The following SPATA16 variants were observed in gnomAD, a reference collection of about 807,000 sequenced individuals.
SPATA16 encodes spermatogenesis-associated protein 16.
A neutral mutation model predicts 63.3 loss-of-function variants in SPATA16; 36 were observed. The ratio of observed to expected loss-of-function variants is 0.57; its 90% CI spans 0.44 to 0.75. SPATA16 has a LOEUF of 0.75. Ranked by LOEUF, SPATA16 falls within the 30% of genes least tolerant of loss-of-function variation. The pLI is 0.00. For missense variants in SPATA16, 646 were observed against 679.3 expected (o/e 0.95, Z 0.54); for synonymous variants, 203 against 216.7 (o/e 0.94, Z 0.56).
intron 8 of SPATA16, among the ~76,000 whole-genome samples, chr3:172,919,710 C>T (rs1577089291): frequency 6.7e-6 from 1 of 149,832 alleles, no homozygotes; most frequent in Admixed American, 6.7e-5. Flanking sequence ...CAGAGTCTTG[C>T]TCTGTTGCAC....
intron 2 of SPATA16, among the ~76,000 whole-genome samples, chr3:173,071,762 A>G (rs28890011): frequency 0.19 from 28,383 of 152,190 alleles, 3,019 homozygotes; most frequent in African/African-American, 0.29. Flanking sequence ...ACAGTGAGAT[A>G]TCATTACATC....
rs149090461 is a variant in SPATA16 at position 173,117,452 on chromosome 3, T to C, written c.280A>G (p.Arg94Gly). ...TCTGTTATCTTTGCCTGTTTCTTTC[T>C]AGTTGGCTTTTCTTCACCTTCTGCC... is the stretch of plus-strand genomic sequence containing the variant. Reference protein sequence around the residue: ...RKAEGEEKPTRKKQAKITELD... With the variant: ...RKAEGEEKPTGKKQAKITELD... Residue 94 changes from arginine to glycine, a missense_variant, in exon 2 of 11, where the codon AGA (arginine) becomes GGA (glycine). Transcript: ENST00000351008. 192 of 1,614,180 alleles carry C rather than the reference T, an allele frequency of 1.2e-4. No individual in the cohort carries two copies. Among genetic ancestry groups the C allele is most frequent in the Non-Finnish European group, 1.5e-4 (179 of 1,180,014 alleles).
At chr3:173,044,578 C>G (rs1735915824) in intron 3 of SPATA16, among the ~76,000 whole-genome samples, 1 of 152,062 alleles carries the variant, frequency 6.6e-6, no homozygotes, top group Admixed American at 6.6e-5. Flanking sequence ...ACATCTGGGT[C>G]TCGAAGATCT....
intron 2 of SPATA16, among the ~76,000 whole-genome samples, chr3:173,076,681 A>G (rs1316652133): frequency 6.6e-6 from 1 of 152,160 alleles, no homozygotes; most frequent in Non-Finnish European, 1.5e-5. Flanking sequence ...GAAATATATT[A>G]GTCAATATTG....
Position 173,109,316 on chromosome 3 carries a change from G to C in SPATA16, c.612+7804C>G, listed in dbSNP as rs551270408. Among the ~76,000 whole-genome samples, 16 of 152,250 alleles carry C rather than the reference G, an allele frequency of 1.1e-4. No individual in the cohort carries two copies. In the East Asian group the frequency reaches 3.1e-3, roughly 29 times the overall value. On this transcript the variant is annotated intron_variant, in intron 2 of 10. Transcript: ENST00000351008. ...TAGGAACTGTGGCTCTTCCCCTGCT[G>C]TGTCAATGGCTGCTTTTGTGTGGGA...
chr3:172,942,447 C>T (rs1350207131), intron 6 of SPATA16, among the ~76,000 whole-genome samples: 1 of 151,872 alleles, frequency 6.6e-6, no homozygotes, highest in Non-Finnish European at 1.5e-5. Context: ...GATTTTAATA[C>T]AAAAAACGTT....
chr3:173,051,668 T>G (rs1258172899), intron 2 of SPATA16, among the ~76,000 whole-genome samples: 1 of 152,102 alleles, frequency 6.6e-6, no homozygotes, highest in East Asian at 1.9e-4. Flanking sequence ...GAAATCAGCC[T>G]TTGTTTCCTC....
chr3:173,028,710 C>T (rs909437357), intron 3 of SPATA16, among the ~76,000 whole-genome samples: 1 of 151,958 alleles, frequency 6.6e-6, no homozygotes, highest in East Asian at 1.9e-4. Flanking sequence ...TATAATAGAG[C>T]TACAAAAATT....
chr3:173,027,340 G>A (rs1054218017), intron 3 of SPATA16, among the ~76,000 whole-genome samples: 2 of 151,888 alleles, frequency 1.3e-5, no homozygotes, highest in Non-Finnish European at 2.9e-5. Flanking sequence ...TTTCTAAATA[G>A]ATGATTACAT....
At chr3:173,130,682 C>A (rs1738357143) in intron 1 of SPATA16, among the ~76,000 whole-genome samples, 1 of 152,198 alleles carries the variant, frequency 6.6e-6, no homozygotes, top group Non-Finnish European at 1.5e-5. Context: ...CACTTCCCAT[C>A]ATAAACAGCT....
chr3:172,948,647 TG>T (rs1733353574), intron 6 of SPATA16, among the ~76,000 whole-genome samples: 1 of 146,704 alleles, frequency 6.8e-6, no homozygotes, highest in Non-Finnish European at 1.5e-5. Context: ...TTAATTTTTT[TG>T]TAGTGATGGG....
At position 172,913,735 on chromosome 3, in the gene SPATA16, G is replaced by A. The variant is rs758141708; in HGVS notation, c.1513C>T (p.Leu505=). Reference sequence around the variant, plus strand: ...AGGGTGTCCATAGCATCTGCCATTAGTGACTGCAGCTGTGGCACCAAGATA... The same window carrying A: ...AGGGTGTCCATAGCATCTGCCATTAATGACTGCAGCTGTGGCACCAAGATA... ...SQQEAELLQS[L]MADAMDTLEG... The change falls in exon 10 of 11, where the codon CTA becomes TTA. Residue 505 remains leucine, a synonymous_variant. Transcript: ENST00000351008. 35 of 1,613,300 alleles carry A rather than the reference G, an allele frequency of 2.2e-5. No homozygotes were observed. Among genetic ancestry groups the A allele is most frequent in the African/African-American group, 4.0e-5 (3 of 74,854 alleles).
At chr3:172,894,676 C>T (rs935246034) in intron 10 of SPATA16, among the ~76,000 whole-genome samples, 1 of 152,192 alleles carries the variant, frequency 6.6e-6, no homozygotes, top group Non-Finnish European at 1.5e-5. Context: ...GAAATTCTAA[C>T]TCCCAAAGTG....
chr3:173,126,954 T>C (rs1320177891), intron 1 of SPATA16, among the ~76,000 whole-genome samples: 1 of 152,232 alleles, frequency 6.6e-6, no homozygotes, highest in African/African-American at 2.4e-5. Context: ...GAAGATTTCT[T>C]CTTTTGAACT....
chr3:173,018,076 A>G (rs552019309), intron 4 of SPATA16, among the ~76,000 whole-genome samples: 2 of 152,312 alleles, frequency 1.3e-5, no homozygotes, highest in South Asian at 4.1e-4. Flanking sequence ...TGCAAAAAAG[A>G]GAGTGATAAA....
At position 173,075,008 on chromosome 3, in the gene SPATA16, A is replaced by AAAAG. The variant is rs1553799961; in HGVS notation, c.613-25915_613-25914insCTTT. 1.3e-3 allele frequency among the ~76,000 whole-genome samples: 190 copies of AAAAG among 146,164 alleles called. 2 individuals are homozygous for AAAAG. The highest frequency in any genetic ancestry group is 3.6e-3 in the Middle Eastern group (1 of 280). On this transcript the variant is annotated intron_variant, in intron 2 of 10. Coordinates refer to ENST00000351008, the MANE Select transcript of SPATA16 (RefSeq NM_031955.6). ...ACTCTATCTCAAAAAAAAAAAAAAA[A>AAAAG]AAAAGGAAAGAAAAGAAAAAAAGAA...
intron 4 of SPATA16, among the ~76,000 whole-genome samples, chr3:172,999,748 T>C (rs1734775391): frequency 6.6e-6 from 1 of 152,188 alleles, no homozygotes; most frequent in African/African-American, 2.4e-5. Flanking sequence ...AATAAGAATC[T>C]TTGTTTTTCC....
intron 10 of SPATA16, among the ~76,000 whole-genome samples, 172 bp downstream of exon 10, chr3:172,913,489 A>G (rs980681255): frequency 6.6e-6 from 1 of 152,218 alleles, no homozygotes; most frequent in Non-Finnish European, 1.5e-5. Context: ...AAATAAATCC[A>G]TATTTGATTT....
intron 5 of SPATA16, among the ~76,000 whole-genome samples, chr3:172,973,271 GTGTGTGT>G (rs1338521545): frequency 2.0e-5 from 3 of 152,090 alleles, no homozygotes; most frequent in Non-Finnish European, 2.9e-5. Context: ...TTTCATGTGT[GTGTGTGT>G]TTATGACTAT....
Sources: allele counts gnomAD v4.1 joint callset (sites outside exome capture counted in the v4.1 genomes callset), GRCh38; gene constraint gnomAD v4.1.1; transcripts MANE v1.5; gene names NCBI Gene and HGNC (gene_info 2026-07-23, HGNC 2026-07-21).